CERT1: variants seen among roughly 807,000 people sequenced by gnomAD.
The protein encoded by CERT1 is ceramide transfer protein.
A neutral mutation model predicts 87.9 loss-of-function variants in CERT1; 31 were observed. The ratio of observed to expected loss-of-function variants is 0.35; its 90% CI spans 0.27 to 0.48. The LOEUF is 0.48. Ranked by LOEUF, CERT1 falls within the 20% of genes least tolerant of loss-of-function variation. The pLI is 0.99. For synonymous variants in CERT1, 289 were observed against 250.9 expected, an observed-to-expected ratio of 1.15 and a Z score of -1.44; for missense variants, 487 against 758.0, an observed-to-expected ratio of 0.64 and a Z score of 4.20.
chr5:75,475,879 A>G (rs1490292607), intron 2 of CERT1, among the ~76,000 whole-genome samples: 2 of 152,146 alleles, frequency 1.3e-5, no homozygotes, highest in Non-Finnish European at 2.9e-5. Context: ...ATGTGGGGGT[A>G]ATAATAAAAC....
chr5:75,396,443 T>C (rs1179203615), intron 11 of CERT1, among the ~76,000 whole-genome samples: 1 of 152,114 alleles, frequency 6.6e-6, no homozygotes, highest in South Asian at 2.1e-4. Context: ...AAGAACGATG[T>C]AGGCCAGGTG....
intron 3 of CERT1, among the ~76,000 whole-genome samples, chr5:75,440,570 T>C (rs1764280104): frequency 6.6e-6 from 1 of 152,106 alleles, no homozygotes; most frequent in African/African-American, 2.4e-5. Context: ...AACTAGAACA[T>C]GCGATAAACT....
At chr5:75,490,974 T>G (rs1406182448) in intron 2 of CERT1, among the ~76,000 whole-genome samples, 1 of 152,200 alleles carries the variant, frequency 6.6e-6, no homozygotes, top group Non-Finnish European at 1.5e-5. Flanking sequence ...TCTTCTTATC[T>G]TCAAACCCAA....
At chr5:75,416,419 T>C (rs2112147989) in intron 7 of CERT1, among the ~76,000 whole-genome samples, 1 of 152,264 alleles carries the variant, frequency 6.6e-6, no homozygotes, top group East Asian at 1.9e-4. Flanking sequence ...AATGTGAACA[T>C]AGGGCAAATG....
chr5:75,396,261 GAGTA>G (rs1343553581), intron 11 of CERT1, among the ~76,000 whole-genome samples: 2 of 152,140 alleles, frequency 1.3e-5, no homozygotes, highest in Non-Finnish European at 2.9e-5. Context: ...AAATTTGTTG[GAGTA>G]AGTAAGAATT....
intron 2 of CERT1, among the ~76,000 whole-genome samples, chr5:75,493,343 T>A (rs1168181073): frequency 1.3e-5 from 2 of 152,242 alleles, no homozygotes; most frequent in African/African-American, 4.8e-5. Context: ...TAAGTATGCA[T>A]CTCTAAAATA....
At chr5:75,439,778 T>C (rs1377191785) in intron 3 of CERT1, among the ~76,000 whole-genome samples, 1 of 152,050 alleles carries the variant, frequency 6.6e-6, no homozygotes, top group Non-Finnish European at 1.5e-5. Context: ...ATCAATAAAA[T>C]TGTAATTTAA....
intron 14 of CERT1, among the ~76,000 whole-genome samples, chr5:75,382,969 A>T (rs1195425973): frequency 6.6e-6 from 1 of 152,126 alleles, no homozygotes; most frequent in African/African-American, 2.4e-5. Flanking sequence ...GAATGACTTA[A>T]ATATCAAGAG....
At chr5:75,503,841 T>A (rs369154905) in intron 2 of CERT1, among the ~76,000 whole-genome samples, 53 of 80,658 alleles carry the variant, frequency 6.6e-4, no homozygotes, top group Middle Eastern at 9.4e-3. Flanking sequence ...ATTTAAATTT[T>A]TTGTTTAATT....
In CERT1 at chr5:75,497,561, T is replaced by C. The variant is rs377459792; in HGVS notation, c.231+8421A>G. On this transcript the variant is annotated intron_variant, in intron 2 of 16. Transcript: ENST00000643780. ...ATCCCCATGTGCTGTGGAAAGGACC[T>C]GGTGGGAGGTAATTGAATCATGGGG... is the stretch of plus-strand genomic sequence containing the variant. 3.9e-5 allele frequency among the ~76,000 whole-genome samples: 6 copies of C among 152,178 alleles called. No homozygotes were observed. The East Asian group carries it at 5.8e-4, about 15-fold the overall frequency.
intron 5 of CERT1, among the ~76,000 whole-genome samples, chr5:75,420,849 G>T (rs893003473): frequency 6.6e-6 from 1 of 151,882 alleles, no homozygotes; most frequent in Non-Finnish European, 1.5e-5. Flanking sequence ...GTGAGACAGG[G>T]TCTGGCTCTG....
At position 75,436,280 on chromosome 5, in the gene CERT1, G is replaced by GT. The variant is rs544613462; in HGVS notation, c.349-9803_349-9802insA. ...GATCTCCTGACCTCATGATCTGCCC[G>GT]CCTCGGCCTCCCTAAGTGCTGGGAT... On this transcript the variant is annotated intron_variant, in intron 3 of 16. Transcript: ENST00000643780. 2.7e-4 allele frequency among the ~76,000 whole-genome samples: 41 copies of GT among 152,214 alleles called. No individual in the cohort carries two copies. The East Asian group carries it at 6.8e-3, about 25-fold the overall frequency.
chr5:75,403,133 T>C lies in CERT1; in HGVS notation c.931-75A>G, dbSNP rs1262776660. 11 of 985,732 alleles carry C rather than the reference T, an allele frequency of 1.1e-5. No homozygotes were observed. The South Asian group carries it at 1.3e-4, about 12-fold the overall frequency. 61.1% of individuals were successfully genotyped at this position (985,732 alleles called of 1,614,324 possible). On this transcript the variant is annotated intron_variant, in intron 8 of 16. Transcript: ENST00000643780. Reference sequence around the variant, plus strand: ...AAACTCTGATAACTCTGGTATTAACTTGAGTTTGAAAATTGACCTAATAAA... The same window carrying C: ...AAACTCTGATAACTCTGGTATTAACCTGAGTTTGAAAATTGACCTAATAAA...
chr5:75,498,620 A>C (rs891076226), intron 2 of CERT1, among the ~76,000 whole-genome samples: 1 of 152,240 alleles, frequency 6.6e-6, no homozygotes, highest in Non-Finnish European at 1.5e-5. Flanking sequence ...GGGTGCAAAG[A>C]AGTCAAGAAC....
At chr5:75,472,869 A>T (rs1053971639) in intron 2 of CERT1, among the ~76,000 whole-genome samples, 17 of 151,598 alleles carry the variant, frequency 1.1e-4, no homozygotes, top group Non-Finnish European at 2.2e-4. Context: ...TCGAAAAATT[A>T]AAAAAAAACT....
intron 3 of CERT1, among the ~76,000 whole-genome samples, chr5:75,431,848 G>A (rs965012903): frequency 1.3e-5 from 2 of 151,984 alleles, no homozygotes; most frequent in African/African-American, 4.8e-5. Context: ...CCATGTTTTT[G>A]CTATTGTGAA....
At chr5:75,511,053 G>T in intron 1 of CERT1, 59 bp downstream of exon 1, 2 of 1,467,714 alleles carry the variant, frequency 1.4e-6, no homozygotes. Flanking sequence ...CCGCCTCAGC[G>T]GATTGCCTCG....
chr5:75,473,191 C>T (rs1765794612), intron 2 of CERT1, among the ~76,000 whole-genome samples: 1 of 152,152 alleles, frequency 6.6e-6, no homozygotes, highest in African/African-American at 2.4e-5. Flanking sequence ...AGTGATCCTC[C>T]TGCCCCACCC....
Position 75,506,030 on chromosome 5 carries a change from T to A in CERT1, c.183A>T (p.Thr61=). Residue 61 remains threonine (T), a synonymous_variant, in exon 2 of 17, where the codon ACA becomes ACT. Transcript: ENST00000643780. The part of the protein sequence containing the change: ...ALSYYKSEDE[T]EYGCRGSICL... The stretch of plus-strand genomic sequence containing the variant: ...AGATGGATCCTCTGCAGCCATACTC[T>A]GTTTCATCTTCAGATTTGTAGTAAC... The A allele has an allele frequency of 1.2e-6, 2 of 1,613,876 alleles. No individual in the cohort carries two copies. The highest frequency in any genetic ancestry group is 2.2e-5 in the South Asian group (2 of 91,080).
Sources: allele counts gnomAD v4.1 joint callset (sites outside exome capture counted in the v4.1 genomes callset), GRCh38; gene constraint gnomAD v4.1.1; transcripts MANE v1.5; gene names NCBI Gene and HGNC (gene_info 2026-07-23, HGNC 2026-07-21).